The following NR3C2 variants were observed in gnomAD, a reference collection of about 807,000 sequenced individuals.
The protein encoded by NR3C2 is nuclear receptor subfamily 3 group C member 2, also known as mineralocorticoid receptor.
In NR3C2, 15 loss-of-function variants were observed where a neutral mutation model predicts 86.4. That is an observed-to-expected ratio of 0.17 (90% CI 0.12 to 0.27). NR3C2 has a LOEUF of 0.27. Among genes scored for constraint, NR3C2 ranks in the 10% least tolerant of loss-of-function variants. The pLI is 1.00. For synonymous variants in NR3C2, 458 were observed against 450.5 expected (o/e 1.02, Z -0.21); for missense variants, 960 against 1,195.6 (o/e 0.80, Z 2.91).
upstream of NR3C2, chr4:148,444,561 G>T (rs946679641): frequency 7.1e-6 from 7 of 987,870 alleles, no homozygotes; most frequent in South Asian, 2.8e-4. Context: ...TGGGGCGGGG[G>T]AAGGGGAACG....
intron 3 of NR3C2, among the ~76,000 whole-genome samples, chr4:148,213,841 A>T (rs1240683252): frequency 6.6e-6 from 1 of 152,240 alleles, no homozygotes; most frequent in Admixed American, 6.5e-5. Flanking sequence ...TGTCTATGGA[A>T]TACTTTACAA....
intron 2 of NR3C2, among the ~76,000 whole-genome samples, chr4:148,286,913 G>A (rs886521848): frequency 6.6e-6 from 1 of 152,198 alleles, no homozygotes; most frequent in Non-Finnish European, 1.5e-5. Context: ...TCGTTAGAGA[G>A]TCAAGTCCTC....
At chr4:148,349,580 C>A (rs72656835) in intron 2 of NR3C2, among the ~76,000 whole-genome samples, 1 of 152,050 alleles carries the variant, frequency 6.6e-6, no homozygotes, top group Non-Finnish European at 1.5e-5. Context: ...CCTGGACTGA[C>A]GACTAAGCAA....
chr4:148,147,266 T>C (rs1411141821), intron 6 of NR3C2, among the ~76,000 whole-genome samples: 1 of 152,252 alleles, frequency 6.6e-6, no homozygotes, highest in East Asian at 1.9e-4. Context: ...CTTTGGGAAC[T>C]TTCAGATCTG....
intron 6 of NR3C2, among the ~76,000 whole-genome samples, chr4:148,130,290 G>C (rs573014261): frequency 2.0e-5 from 3 of 152,036 alleles, no homozygotes; most frequent in African/African-American, 7.3e-5. Flanking sequence ...CACATCAGCC[G>C]ATTTTATAAA....
chr4:148,355,240 T>C (rs1007957929), intron 2 of NR3C2, among the ~76,000 whole-genome samples: 5 of 152,126 alleles, frequency 3.3e-5, no homozygotes, highest in Non-Finnish European at 5.9e-5. Flanking sequence ...GGAAAGTGAG[T>C]AGTGCCAGAG....
intron 2 of NR3C2, among the ~76,000 whole-genome samples, chr4:148,336,419 A>G (rs1165134970): frequency 6.6e-6 from 1 of 152,214 alleles, no homozygotes; most frequent in Non-Finnish European, 1.5e-5. Context: ...CAAGGACTTC[A>G]AAGTGCCCAA....
chr4:148,292,623 T>G lies in NR3C2; in HGVS notation c.1758-32506A>C, dbSNP rs547573517. On this transcript the variant is annotated intron_variant, in intron 2 of 8. Coordinates refer to ENST00000358102, the MANE Select transcript of NR3C2 (RefSeq NM_000901.5). ...ACAGTACAAAACAATCCATTCCATG[T>G]TGGTGGCCAGGTTATGAGGTTTCTC... is the stretch of plus-strand genomic sequence containing the variant. 2.8e-4 allele frequency among the ~76,000 whole-genome samples: 42 copies of G among 152,206 alleles called. No individual in the cohort carries two copies. In the South Asian group the frequency reaches 6.2e-3, roughly 23 times the overall value.
intron 8 of NR3C2, among the ~76,000 whole-genome samples, chr4:148,093,096 C>T (rs1731131173): frequency 1.3e-5 from 2 of 152,226 alleles, no homozygotes; most frequent in African/African-American, 4.8e-5. Context: ...CTGCTGGGAT[C>T]TCAGAAGTTT....
chr4:148,408,939 A>C (rs1473764656), intron 2 of NR3C2, among the ~76,000 whole-genome samples: 1 of 152,176 alleles, frequency 6.6e-6, no homozygotes, highest in African/African-American at 2.4e-5. Flanking sequence ...AAATATTTAA[A>C]ACATCTACTA....
chr4:148,139,443 C>A (rs142150326), intron 6 of NR3C2, among the ~76,000 whole-genome samples: 11 of 152,194 alleles, frequency 7.2e-5, no homozygotes, highest in Non-Finnish European at 1.3e-4. Context: ...TTCAAAATCT[C>A]CCTCTAAACT....
intron 3 of NR3C2, among the ~76,000 whole-genome samples, chr4:148,246,594 C>G (rs1358551728): frequency 1.3e-5 from 2 of 152,132 alleles, no homozygotes; most frequent in East Asian, 3.9e-4. Context: ...TCTTGTTGCC[C>G]AGGCTGGAGT....
At chr4:148,324,998 T>C (rs1019654509) in intron 2 of NR3C2, among the ~76,000 whole-genome samples, 7 of 152,216 alleles carry the variant, frequency 4.6e-5, no homozygotes, top group Non-Finnish European at 8.8e-5. Flanking sequence ...ATTAGAGGCA[T>C]ATCTACAAAT....
intron 6 of NR3C2, among the ~76,000 whole-genome samples, chr4:148,143,803 CA>C (rs977600648): frequency 6.6e-6 from 1 of 151,986 alleles, no homozygotes. Flanking sequence ...CAAAATTAAC[CA>C]GGTGTGGTGG....
rs1289582130 is a variant in NR3C2, at chr4:148,194,635, A to T, written c.2014+111T>A. The T allele has an allele frequency of 5.5e-6, 4 of 726,224 alleles. No individual in the cohort carries two copies. The African/African-American group carries it at 7.1e-5, about 13-fold the overall frequency. 45.0% of individuals were successfully genotyped at this position (726,224 alleles called of 1,614,324 possible). ...TGAAAACAGAACTCATCAGATTTTC[A>T]GAAACCTTTGCTCCCTGTTGGCTTC... is the stretch of plus-strand genomic sequence containing the variant. On this transcript the variant is annotated intron_variant, in intron 4 of 8. Coordinates refer to ENST00000358102, the MANE Select transcript of NR3C2 (RefSeq NM_000901.5).
chr4:148,386,228 C>A (rs1033675184), intron 2 of NR3C2, among the ~76,000 whole-genome samples: 1 of 152,190 alleles, frequency 6.6e-6, no homozygotes, highest in Non-Finnish European at 1.5e-5. Context: ...CCTCTCTCCA[C>A]AGCTCTGAAC....
chr4:148,172,301 C>T (rs1299833529), intron 4 of NR3C2, among the ~76,000 whole-genome samples: 1 of 152,078 alleles, frequency 6.6e-6, no homozygotes, highest in African/African-American at 2.4e-5. Flanking sequence ...ATTCTGGTGA[C>T]AAAAATTTTA....
At chr4:148,374,177 A>T (rs1322211314) in intron 2 of NR3C2, among the ~76,000 whole-genome samples, 1 of 152,212 alleles carries the variant, frequency 6.6e-6, no homozygotes, top group Non-Finnish European at 1.5e-5. Context: ...AAATGATCCT[A>T]AAATCAGTGG....
chr4:148,302,987 CCTAT>C (rs1487758807), intron 2 of NR3C2, among the ~76,000 whole-genome samples: 1 of 152,076 alleles, frequency 6.6e-6, no homozygotes, highest in Non-Finnish European at 1.5e-5. Context: ...TTTAGAAAGT[CCTAT>C]CTGAGATTCC....
Sources: gnomAD v4.1 joint callset for allele counts (sites outside exome capture counted in the v4.1 genomes callset) on GRCh38, gnomAD v4.1.1 for gene constraint, MANE v1.5 for transcripts, NCBI Gene and HGNC (gene_info 2026-07-23, HGNC 2026-07-21) for gene names.